Variants in SI observed in about 807,000 individuals in gnomAD.
SI encodes sucrase-isomaltase, intestinal.
SI carries 235 observed loss-of-function variants against 253.3 expected under a neutral mutation model. That is an observed-to-expected ratio of 0.93 (90% confidence interval 0.83 to 1.03). The LOEUF is 1.03. Among genes scored for constraint, SI ranks in the 50% least tolerant of loss-of-function variants. The probability of loss-of-function intolerance (pLI) is 0.00; values close to 1 mark genes in which losing one functional copy is unlikely to be tolerated. For missense variants in SI, 2,442 were observed against 2,211.1 expected (o/e 1.10, Z -2.09); for synonymous variants, 819 against 712.0 (o/e 1.15, Z -2.39).
upstream of SI, among the ~76,000 whole-genome samples, chr3:165,081,936 C>T (rs189335070): frequency 2.0e-5 from 3 of 151,974 alleles, no homozygotes; most frequent in Admixed American, 2.0e-4. Context: ...TGGAGAGTTA[C>T]GTGAAGAGCT....
chr3:164,995,109 AG>A (rs1382266659), intron 40 of SI, among the ~76,000 whole-genome samples: 1 of 151,786 alleles, frequency 6.6e-6, no homozygotes, highest in Admixed American at 6.6e-5. Flanking sequence ...GCCATCACAA[AG>A]CTCGAGGTAA....
At chr3:165,018,198 C>T (rs1049304584) in intron 28 of SI, 132 bp from the exon 29 acceptor site, 2 of 642,408 alleles carry the variant, frequency 3.1e-6, no homozygotes, top group Non-Finnish European at 5.6e-6. Context: ...TTAAACTATG[C>T]TTCAGTTAAA....
At chr3:165,005,904 G>A (rs181500115) in intron 37 of SI, among the ~76,000 whole-genome samples, 195 of 152,174 alleles carry the variant, frequency 1.3e-3, no homozygotes, top group Middle Eastern at 3.4e-3. Flanking sequence ...AAGCTGCTGT[G>A]CCTGGCCAGA....
chr3:165,008,100 A>G (rs1718602219), intron 35 of SI, 102 bp from the exon 36 acceptor site: 2 of 637,602 alleles, frequency 3.1e-6, no homozygotes, highest in Non-Finnish European at 5.8e-6. Context: ...ATATTTGAAC[A>G]ATGTTATATA....
chr3:165,029,596 A>G (rs1323610634), intron 25 of SI, among the ~76,000 whole-genome samples: 1 of 145,662 alleles, frequency 6.9e-6, no homozygotes, highest in Middle Eastern at 3.3e-3. Flanking sequence ...ATATGTATAT[A>G]TATACATATA....
rs1232839310 is a variant in SI, at chr3:165,055,216, A to T, written c.1490T>A (p.Val497Glu). The T allele has an allele frequency of 1.2e-6, 2 of 1,607,672 alleles. No homozygotes were observed. The highest frequency in any genetic ancestry group is 1.7e-6 in the Non-Finnish European group (2 of 1,174,692). ...ANECSIFHQE[V>E]QYDGLWIDMN... ...TACAATCCAAAGTCCATCATATTGC[A>T]CTTCTTGATGGAAAATACTGCATTC... Residue 497 changes from valine to glutamate, a missense_variant, in exon 13 of 48, where the codon GTG (valine) becomes GAG (glutamate). Coordinates refer to ENST00000264382, the MANE Select transcript of SI (RefSeq NM_001041.4).
intron 40 of SI, among the ~76,000 whole-genome samples, 156 bp downstream of exon 40, chr3:164,996,379 A>T (rs1718007789): frequency 6.6e-6 from 1 of 151,782 alleles, no homozygotes; most frequent in African/African-American, 2.4e-5. Flanking sequence ...GTCTCCCCAG[A>T]TACTCAAAAA....
At chr3:165,042,985 G>C in intron 17 of SI, 74 bp downstream of exon 17, 1 of 911,090 alleles carries the variant, frequency 1.1e-6, no homozygotes, top group Non-Finnish European at 1.8e-6. Context: ...ATACTCTATA[G>C]ATTTAATTTA....
chr3:164,980,835 A>G (rs1185944406), intron 47 of SI, among the ~76,000 whole-genome samples: 2 of 152,050 alleles, frequency 1.3e-5, no homozygotes, highest in African/African-American at 4.8e-5. Flanking sequence ...TATTTTTACC[A>G]TAAAAGTTGT....
chr3:165,018,353 C>T (rs576030746), intron 28 of SI, among the ~76,000 whole-genome samples: 123 of 150,570 alleles, frequency 8.2e-4, no homozygotes, highest in African/African-American at 2.9e-3. Context: ...TATGTAACAA[C>T]TGCAAATGCT....
chr3:164,994,195 C>G (rs1717906908), intron 41 of SI, 62 bp downstream of exon 41: 1 of 1,441,904 alleles, frequency 6.9e-7, no homozygotes, highest in African/African-American at 1.4e-5. Context: ...TATAAGAGAT[C>G]ATTGGGTAAA....
intron 41 of SI, among the ~76,000 whole-genome samples, chr3:164,993,814 T>C (rs114622807): frequency 0.011 from 1,601 of 151,810 alleles, 29 homozygotes; most frequent in African/African-American, 0.036. Flanking sequence ...ACTGTTCCTG[T>C]GTATCTCATT....
rs773336850 is a variant in SI at position 165,030,693 on chromosome 3, T to C, written c.2892+19A>G. The C allele has an allele frequency of 1.5e-5, 24 of 1,605,374 alleles. No homozygotes were observed. Among genetic ancestry groups the C allele is most frequent in the East Asian group, 1.1e-4 (5 of 44,640 alleles). On this transcript the variant is annotated intron_variant, in intron 25 of 47. Coordinates refer to ENST00000264382, the MANE Select transcript of SI (RefSeq NM_001041.4). ...TATGTGATAACCATATCATGAGTAA[T>C]AGTTAAAATTATTATTACCGTTCTC...
At chr3:165,048,813 C>T (rs1206043358) in intron 15 of SI, among the ~76,000 whole-genome samples, 11 of 151,856 alleles carry the variant, frequency 7.2e-5, no homozygotes, top group African/African-American at 1.9e-4. Flanking sequence ...GACTGGGTTT[C>T]GCCATGTTGG....
At chr3:164,992,001 A>C (rs956151949) in intron 43 of SI, among the ~76,000 whole-genome samples, 176 bp downstream of exon 43, 17 of 152,154 alleles carry the variant, frequency 1.1e-4, no homozygotes, top group Non-Finnish European at 2.2e-4. Context: ...TAGCAGAATA[A>C]ATTAACTCTC....
intron 27 of SI, among the ~76,000 whole-genome samples, chr3:165,020,620 A>T (rs1711553424): frequency 6.6e-6 from 1 of 151,644 alleles, no homozygotes; most frequent in South Asian, 2.1e-4. Context: ...ACATATCTTG[A>T]CAATACCAGA....
At chr3:165,077,351 G>A (rs538275472) in intron 1 of SI, among the ~76,000 whole-genome samples, 5 of 151,636 alleles carry the variant, frequency 3.3e-5, no homozygotes, top group African/African-American at 9.7e-5. Context: ...CATATTAAAT[G>A]TCCATTGCAA....
chr3:165,038,649 AG>A (rs1712663641), intron 20 of SI, among the ~76,000 whole-genome samples: 1 of 152,020 alleles, frequency 6.6e-6, no homozygotes, highest in African/African-American at 2.4e-5. Flanking sequence ...TGCCTCTTCA[AG>A]GTTGAAATAA....
chr3:164,980,973 C>T (rs1349755467), intron 47 of SI, among the ~76,000 whole-genome samples: 1 of 151,838 alleles, frequency 6.6e-6, no homozygotes, highest in African/African-American at 2.4e-5. Context: ...TGATTGATAA[C>T]TATTGAGTAG....
Sources: allele counts gnomAD v4.1 joint callset (sites outside exome capture counted in the v4.1 genomes callset), GRCh38; gene constraint gnomAD v4.1.1; transcripts MANE v1.5; gene names NCBI Gene and HGNC (gene_info 2026-07-23, HGNC 2026-07-21).